HOOK2: variants seen among roughly 807,000 people sequenced by gnomAD.
HOOK2 encodes the protein hook microtubule tethering protein 2, also known as protein Hook homolog 2.
In HOOK2, 108 loss-of-function variants were observed where a neutral mutation model predicts 111.9. The ratio of observed to expected loss-of-function variants is 0.96; its 90% CI spans 0.83 to 1.13. HOOK2 has a LOEUF of 1.13. Ranked by LOEUF, HOOK2 falls within the 50% of genes most tolerant of loss-of-function variation. The pLI, the probability that HOOK2 is intolerant of heterozygous loss-of-function variation, is 0.00. For missense variants in HOOK2, 978 were observed against 951.3 expected (o/e 1.03, Z -0.37); for synonymous variants, 405 against 394.3 (o/e 1.03, Z -0.32).
intron 20 of HOOK2, 32 bp from the exon 21 acceptor site, chr19:12,763,810 T>A: frequency 6.3e-7 from 1 of 1,576,838 alleles, no homozygotes; most frequent in Non-Finnish European, 8.7e-7. Flanking sequence ...GCCAGGTGAC[T>A]TTGGCCTTGA....
chr19:12,769,433 TTTTG>T (rs1968249033), intron 11 of HOOK2, among the ~76,000 whole-genome samples: 1 of 152,172 alleles, frequency 6.6e-6, no homozygotes. Flanking sequence ...GGTCTTTTTC[TTTTG>T]TTTGAGTCAG....
rs746293170 is a variant in HOOK2, at chr19:12,791,849, C to T, written n.42-17624G>A. The T allele has an allele frequency of 1.9e-6, 3 of 1,613,646 alleles. No homozygotes were observed. Among genetic ancestry groups the T allele is most frequent in the South Asian group, 1.1e-5 (1 of 91,070 alleles). ...CGGGATACGGCCGGGCCCCTGGTGGCCTCTCTCTACACGACTACAAACTCC... is the reference window on the plus strand; with the variant it reads ...CGGGATACGGCCGGGCCCCTGGTGGTCTCTCTCTACACGACTACAAACTCC... On this transcript the variant is annotated intron_variant and non_coding_transcript_variant, in intron 3 of 3. Coordinates refer to the HOOK2 transcript ENST00000589765. The surrounding 1 kb of genome is among the most constrained non-coding windows in gnomAD (Gnocchi z 7.0).
At chr19:12,771,529 G>A (rs1599495051) in intron 7 of HOOK2, 52 bp from the exon 8 acceptor site, 2 of 1,502,562 alleles carry the variant, frequency 1.3e-6, no homozygotes, top group Admixed American at 1.9e-5. Flanking sequence ...AAGGACGGGG[G>A]GAGGGAGGCT....
At chr19:12,765,860 GA>G in intron 16 of HOOK2, 26 bp from the exon 17 acceptor site, 1 of 1,610,722 alleles carries the variant, frequency 6.2e-7, no homozygotes, top group South Asian at 1.1e-5. Context: ...GGCAGCATGG[GA>G]GAGAGAGGAG....
Position 12,763,788 on chromosome 19 carries a change from G to A in HOOK2, c.1828-10C>T, listed in dbSNP as rs550467507. The A allele has an allele frequency of 3.7e-6, 6 of 1,610,916 alleles. No individual in the cohort carries two copies. In the East Asian group the frequency reaches 1.3e-4, roughly 36 times the overall value. On this transcript the variant is annotated splice_polypyrimidine_tract_variant and intron_variant, in intron 20 of 22. Coordinates refer to ENST00000397668, the MANE Select transcript of HOOK2 (RefSeq NM_013312.3). ...CCATGGTCTGCATGACCTACAGGTT[G>A]AGGAAGTCATAGCCAGGTGACTTTG...
At chr19:12,781,194 T>C (rs1416477338), upstream of HOOK2, among the ~76,000 whole-genome samples, 2 of 138,510 alleles carry the variant, frequency 1.4e-5, no homozygotes, top group Non-Finnish European at 3.1e-5. Context: ...TCCCAGCTAC[T>C]CGGGAGGCTG....
At chr19:12,785,258 C>A (rs1968644593) in intron 3 of HOOK2, among the ~76,000 whole-genome samples, 1 of 151,682 alleles carries the variant, frequency 6.6e-6, no homozygotes, top group South Asian at 2.1e-4. Flanking sequence ...AGAGACCACA[C>A]ACACACACCA....
rs1049824142 is a variant in HOOK2, at chr19:12,786,302, C to G, written n.42-12077G>C. ...GCCCTGGCCTGCCCACTGGCTGACT[C>G]ACAGGCAGCCCCCAGCCCAGTTTCC... On this transcript the variant is annotated intron_variant and non_coding_transcript_variant, in intron 3 of 3. Coordinates refer to the HOOK2 transcript ENST00000589765. This position sits in a 1 kb window ranked among gnomAD's most constrained non-coding sequence, Gnocchi z 4.3. Among the ~76,000 whole-genome samples the G allele has an allele frequency of 1.5e-4, 23 of 152,074 alleles. No individual in the cohort carries two copies. The highest frequency in any genetic ancestry group is 4.4e-5 in the Non-Finnish European group (3 of 67,972).
intron 3 of HOOK2, among the ~76,000 whole-genome samples, chr19:12,785,799 T>G: frequency 6.6e-6 from 1 of 152,190 alleles, no homozygotes; most frequent in East Asian, 1.9e-4. Flanking sequence ...CACCCCAGTC[T>G]GTCTCTGCCC....
chr19:12,767,824 G>C lies in HOOK2; in HGVS notation c.1295C>G (p.Thr432Ser). ...RCAQLQPRGL[T>S]QADPSLDPTS... ...ATGGGGCTTCATCTCACCGGCCTGG[G>C]TCAACCCCCGCGGCTGCAGCTGGGC... The change falls in exon 13 of 23, where the codon ACC becomes AGC. Residue 432 changes from threonine to serine, a missense_variant. Thr to Ser is a moderately conservative substitution (Grantham distance 58). Transcript: ENST00000397668. 1 of 1,602,376 alleles carries C rather than the reference G, an allele frequency of 6.2e-7. No homozygotes were observed. The highest frequency in any genetic ancestry group is 8.5e-7 in the Non-Finnish European group (1 of 1,179,832).
At chr19:12,771,969 G>A (rs1968349934) in intron 7 of HOOK2, 1 of 557,086 alleles carries the variant, frequency 1.8e-6, no homozygotes, top group Non-Finnish European at 3.2e-6. Flanking sequence ...GAACACTGGA[G>A]ACCTGGTACA....
rs1169695542 is a variant in HOOK2 at position 12,791,638 on chromosome 19, C to T, written n.42-17413G>A. On this transcript the variant is annotated intron_variant and non_coding_transcript_variant, in intron 3 of 3. Coordinates refer to the HOOK2 transcript ENST00000589765. The surrounding 1 kb of genome is among the most constrained non-coding windows in gnomAD (Gnocchi z 7.0). Reference sequence around the variant, plus strand: ...CGCACAGCTGCCGGCTGGCTGCTACCCGCCCGCGCCAGCCCCCGAGAACGC... The same window carrying T: ...CGCACAGCTGCCGGCTGGCTGCTACTCGCCCGCGCCAGCCCCCGAGAACGC... The T allele has an allele frequency of 3.3e-6, 2 of 613,928 alleles. No homozygotes were observed. The highest frequency in any genetic ancestry group is 5.3e-6 in the Non-Finnish European group (2 of 377,434). The allele number at this position is 613,928 out of a possible 1,614,324, so 38.0% of individuals were successfully genotyped here.
rs563477406 is a variant in HOOK2 at position 12,792,256 on chromosome 19, C to G, written n.42-18031G>C. The G allele has an allele frequency of 3.3e-6, 5 of 1,499,496 alleles. No homozygotes were observed. In the African/African-American group the frequency reaches 7.0e-5, roughly 21 times the overall value. 92.9% of individuals were successfully genotyped at this position (1,499,496 alleles called of 1,614,324 possible). On this transcript the variant is annotated intron_variant and non_coding_transcript_variant, in intron 3 of 3. Transcript: ENST00000589765. ...CCCCCCAACGTGTCCCTGGGCGCTA[C>G]CGGGGGGCCCCCGGCTGGGCCCGGG...
Position 12,786,021 on chromosome 19 carries a change from A to G in HOOK2, n.42-11796T>C, listed in dbSNP as rs1441395103. Among the ~76,000 whole-genome samples, 1 of 151,814 alleles carries G rather than the reference A, an allele frequency of 6.6e-6. No homozygotes were observed. Among genetic ancestry groups the G allele is most frequent in the East Asian group, 1.9e-4 (1 of 5,162 alleles). Reference sequence around the variant, plus strand: ...AGGGATGGAAGCAGCTTCCTGAGAAACTCCCCTCATGCCCAACCATGTCAG... The same window carrying G: ...AGGGATGGAAGCAGCTTCCTGAGAAGCTCCCCTCATGCCCAACCATGTCAG... On this transcript the variant is annotated intron_variant and non_coding_transcript_variant, in intron 3 of 3. Coordinates refer to the HOOK2 transcript ENST00000589765. The surrounding 1 kb of genome is among the most constrained non-coding windows in gnomAD (Gnocchi z 4.3).
intron 20 of HOOK2, 126 bp downstream of exon 20, chr19:12,764,688 T>G (rs1599469394): frequency 1.3e-6 from 1 of 747,550 alleles, no homozygotes; most frequent in East Asian, 2.5e-5. Context: ...GAAGTCTGTC[T>G]TATGGTGGGG....
intron 1 of HOOK2, 150 bp from the exon 2 acceptor site, chr19:12,775,047 C>A: frequency 9.0e-7 from 1 of 1,107,556 alleles, no homozygotes; most frequent in Non-Finnish European, 1.3e-6. Context: ...GGCTTCTGCT[C>A]ACCTGAGACC....
rs1258234470 is a variant in HOOK2, at chr19:12,771,293, C to T, written c.627G>A (p.Gln209=). Residue 209 remains glutamine (Q), a synonymous_variant, in exon 9 of 23, where the codon CAG becomes CAA. Coordinates refer to ENST00000397668, the MANE Select transcript of HOOK2 (RefSeq NM_013312.3). The stretch of plus-strand genomic sequence containing the variant: ...GCCCTGCATTCTCTTGCGCCAGGCT[C>T]TGCTTCTCCTCTGACAGGAGCATCA... ...RQLMLLSEEK[Q]SLAQENAGLR... The T allele has an allele frequency of 6.2e-7, 1 of 1,603,816 alleles. No homozygotes were observed. Among genetic ancestry groups the T allele is most frequent in the Non-Finnish European group, 8.5e-7 (1 of 1,174,800 alleles).
rs758050284 is a variant in HOOK2, at chr19:12,775,470, C to A, written c.-21G>T. On this transcript the variant is annotated 5_prime_UTR_variant, in exon 1 of 23. Transcript: ENST00000397668. ...CTCATGGCTCCCGATCGGATTCAAT[C>A]CAGGCCACGGAGCCCCGGCGCCGCA... 2 of 1,606,236 alleles carry A rather than the reference C, an allele frequency of 1.2e-6. No homozygotes were observed. Among genetic ancestry groups the A allele is most frequent in the South Asian group, 2.2e-5 (2 of 90,232 alleles).
chr19:12,767,869 G>T lies in HOOK2; in HGVS notation c.1250C>A (p.Ala417Asp). The T allele has an allele frequency of 6.2e-7, 1 of 1,608,110 alleles. No individual in the cohort carries two copies. The highest frequency in any genetic ancestry group is 8.5e-7 in the Non-Finnish European group (1 of 1,179,894). Residue 417 changes from alanine to aspartate, a missense_variant, in exon 13 of 23, where the codon GCC becomes GAC. Physicochemically the swap from Ala to Asp is moderately radical, Grantham distance 126. Coordinates refer to ENST00000397668, the MANE Select transcript of HOOK2 (RefSeq NM_013312.3). ...CTGGGCGCAGCGCAGCTCCTCATTG[G>T]CCTCCCGCAAGGAGTCCCGCTCCGC... ...LLAERDSLRE[A>D]NEELRCAQLQ... is the part of the protein sequence containing the mutation.
Sources: gnomAD v4.1 joint callset for allele counts (sites outside exome capture counted in the v4.1 genomes callset) on GRCh38, gnomAD v4.1.1 for gene constraint, Gnocchi (gnomAD v3.1) non-coding constraint, MANE v1.5 for transcripts, NCBI Gene and HGNC (gene_info 2026-07-23, HGNC 2026-07-21) for gene names.